Variants in MTUS2 observed in about 807,000 individuals in gnomAD.
The protein encoded by MTUS2 is microtubule associated scaffold protein 2.
MTUS2 carries 40 observed loss-of-function variants against 114.1 expected under a neutral mutation model. That is an observed-to-expected ratio of 0.35 (90% CI 0.27 to 0.46). The LOEUF (loss-of-function observed/expected upper bound fraction) is 0.46, where lower values mean the gene tolerates loss of function less well. MTUS2 is among the 20% of genes least tolerant of loss of function. MTUS2 has a pLI of 1.00. For synonymous variants in MTUS2, 688 were observed against 672.0 expected (o/e 1.02, Z -0.37); for missense variants, 1,679 against 1,705.4 (o/e 0.98, Z 0.27).
intron 5 of MTUS2, among the ~76,000 whole-genome samples, chr13:29,126,494 T>C (rs9508286): frequency 0.16 from 24,776 of 152,182 alleles, 2,338 homozygotes; most frequent in Middle Eastern, 0.24. Flanking sequence ...AAAGCTAAAG[T>C]AATTTCTTCA....
rs77752162 is a variant in MTUS2 at position 29,030,102 on chromosome 13, C to T, written c.2205+3199C>T. 1.7e-3 allele frequency among the ~76,000 whole-genome samples: 262 copies of T among 152,292 alleles called. 2 individuals carry two copies. The highest frequency in any genetic ancestry group is 6.0e-3 in the African/African-American group (249 of 41,558). ...CTTTCTTTGTGCCCTTCTATATTTT[C>T]GTGTATATTTCTTTTCTGTGTTGTT... On this transcript the variant is annotated intron_variant, in intron 3 of 15. Transcript: ENST00000612955.
At position 29,099,045 on chromosome 13, in the gene MTUS2, C is replaced by T. The variant is rs1174051172; in HGVS notation, c.2447-1728C>T. Among the ~76,000 whole-genome samples, 5 of 152,132 alleles carry T rather than the reference C, an allele frequency of 3.3e-5. No homozygotes were observed. The East Asian group carries it at 5.8e-4, about 18-fold the overall frequency. ...CAGACATCGTCCACAATCAATTTGT[C>T]GTAAATTCACTGTGAACATGATATC... On this transcript the variant is annotated intron_variant, in intron 4 of 15. Coordinates refer to ENST00000612955, the MANE Select transcript of MTUS2 (RefSeq NM_001033602.4).
chr13:29,329,539 C>T (rs1345910347), intron 7 of MTUS2, among the ~76,000 whole-genome samples: 1 of 151,758 alleles, frequency 6.6e-6, no homozygotes, highest in Non-Finnish European at 1.5e-5. Context: ...CAGTCTATCA[C>T]TGATGGGTAT....
chr13:28,980,861 G>C (rs1399132374), intron 2 of MTUS2, among the ~76,000 whole-genome samples: 1 of 152,236 alleles, frequency 6.6e-6, no homozygotes, highest in Non-Finnish European at 1.5e-5. Flanking sequence ...GCATGGCCAT[G>C]TAATTTTTTT....
chr13:28,840,739 G>T (rs1024328114), intron 2 of MTUS2, among the ~76,000 whole-genome samples: 1 of 152,106 alleles, frequency 6.6e-6, no homozygotes, highest in Non-Finnish European at 1.5e-5. Flanking sequence ...TCTAAGGAAG[G>T]GACACTTTTT....
chr13:28,859,829 C>T (rs1261261723), intron 2 of MTUS2, among the ~76,000 whole-genome samples: 9 of 152,006 alleles, frequency 5.9e-5, no homozygotes, highest in African/African-American at 2.2e-4. Context: ...GATCCACAGA[C>T]GGGGGTGGGT....
chr13:29,254,934 C>T (rs1897245632), intron 5 of MTUS2, among the ~76,000 whole-genome samples: 1 of 152,204 alleles, frequency 6.6e-6, no homozygotes, highest in South Asian at 2.1e-4. Flanking sequence ...TCATTCTGTA[C>T]TTTTAAAGTT....
At chr13:29,135,909 G>T (rs1418162674) in intron 5 of MTUS2, among the ~76,000 whole-genome samples, 1 of 152,046 alleles carries the variant, frequency 6.6e-6, no homozygotes, top group African/African-American at 2.4e-5. Context: ...ATTTTGTAAT[G>T]TATTAGTCTC....
intron 5 of MTUS2, among the ~76,000 whole-genome samples, chr13:29,254,461 G>A (rs1897231331): frequency 6.6e-6 from 1 of 152,230 alleles, no homozygotes; most frequent in Non-Finnish European, 1.5e-5. Context: ...ATGGACCTTG[G>A]TACAGTACAG....
At chr13:29,262,541 C>A (rs1897513412) in intron 5 of MTUS2, among the ~76,000 whole-genome samples, 1 of 150,770 alleles carries the variant, frequency 6.6e-6, no homozygotes, top group African/African-American at 2.4e-5. Context: ...TTTTTGTTCC[C>A]CCCTATAATG....
At chr13:29,444,288 G>C (rs964462546) in intron 9 of MTUS2, among the ~76,000 whole-genome samples, 1 of 152,178 alleles carries the variant, frequency 6.6e-6, no homozygotes, top group Non-Finnish European at 1.5e-5. Context: ...AATTAGCTAG[G>C]TGTGGTGGTG....
At chr13:29,195,342 A>C (rs1894641457) in intron 5 of MTUS2, among the ~76,000 whole-genome samples, 1 of 151,882 alleles carries the variant, frequency 6.6e-6, no homozygotes, top group South Asian at 2.1e-4. Context: ...ATGGCTAAAA[A>C]ATTCTATTTC....
intron 4 of MTUS2, among the ~76,000 whole-genome samples, chr13:29,087,453 A>T (rs1289001339): frequency 1.3e-5 from 2 of 152,144 alleles, no homozygotes; most frequent in African/African-American, 4.8e-5. Flanking sequence ...AATAAAGCCT[A>T]CTTGATTGTG....
chr13:29,502,642 C>T (rs1046198142), intron 15 of MTUS2, among the ~76,000 whole-genome samples: 6 of 152,262 alleles, frequency 3.9e-5, no homozygotes, highest in African/African-American at 1.4e-4. Flanking sequence ...GCCAGCTGCG[C>T]GGCTGTCTCT....
intron 9 of MTUS2, among the ~76,000 whole-genome samples, chr13:29,455,858 G>A (rs1467815845): frequency 6.6e-6 from 1 of 152,082 alleles, no homozygotes; most frequent in African/African-American, 2.4e-5. Flanking sequence ...GTGCACACTG[G>A]TAGTCCCAGC....
In MTUS2 at chr13:28,997,695, A is replaced by C. The variant is rs1188402666; in HGVS notation, c.-242-26762A>C. Among the ~76,000 whole-genome samples the C allele has an allele frequency of 3.3e-5, 5 of 152,000 alleles. No individual in the cohort carries two copies. The East Asian group carries it at 5.8e-4, about 18-fold the overall frequency. ...TTGTTGGTTTAAAGTCTGTTTTATC[A>C]GAGACTAGGATTGCAACCCCTGCTT... On this transcript the variant is annotated intron_variant, in intron 2 of 15. Transcript: ENST00000612955.
intron 5 of MTUS2, among the ~76,000 whole-genome samples, chr13:29,152,702 G>A (rs1357216776): frequency 1.3e-5 from 2 of 151,982 alleles, no homozygotes; most frequent in South Asian, 2.1e-4. Context: ...TGGCTTCCCC[G>A]AGAGAGAGAA....
At chr13:29,434,550 G>A (rs1450486728) in intron 8 of MTUS2, among the ~76,000 whole-genome samples, 1 of 152,182 alleles carries the variant, frequency 6.6e-6, no homozygotes, top group Admixed American at 6.5e-5. Flanking sequence ...ATGAACTGGG[G>A]TGAAAGCACC....
intron 2 of MTUS2, among the ~76,000 whole-genome samples, chr13:28,841,448 A>G (rs1875475876): frequency 6.6e-6 from 1 of 151,934 alleles, no homozygotes; most frequent in African/African-American, 2.4e-5. Context: ...TGGCCGCTGG[A>G]GCGGCCGGAA....
Sources: gnomAD v4.1 joint callset for allele counts (sites outside exome capture counted in the v4.1 genomes callset) on GRCh38, gnomAD v4.1.1 for gene constraint, MANE v1.5 for transcripts, NCBI Gene and HGNC (gene_info 2026-07-23, HGNC 2026-07-21) for gene names.